The following GPR176 variants were observed in gnomAD, a reference collection of about 807,000 sequenced individuals.
The protein encoded by GPR176 is G-protein coupled receptor 176.
A neutral mutation model predicts 35.4 loss-of-function variants in GPR176; 26 were observed. The observed-to-expected ratio is 0.74, with a 90% CI of 0.54 to 1.02. GPR176 has a LOEUF of 1.02. Among genes scored for constraint, GPR176 ranks in the 50% least tolerant of loss-of-function variants. GPR176 has a pLI of 0.00. For synonymous variants in GPR176, 278 were observed against 271.3 expected, an observed-to-expected ratio of 1.02 and a Z score of -0.24; for missense variants, 597 against 665.3, an observed-to-expected ratio of 0.90 and a Z score of 1.13.
intron 1 of GPR176, among the ~76,000 whole-genome samples, chr15:39,824,180 C>T (rs57713628): frequency 0.038 from 5,819 of 152,300 alleles, 283 homozygotes; most frequent in African/African-American, 0.1. Context: ...TCTGGCTCCC[C>T]TTCGCCTTCT....
intron 1 of GPR176, among the ~76,000 whole-genome samples, chr15:39,825,770 C>T (rs1236931862): frequency 1.3e-5 from 2 of 152,234 alleles, no homozygotes; most frequent in South Asian, 2.1e-4. Context: ...GGTGCTATCA[C>T]ATCTCACTGA....
chr15:39,807,634 G>T, intron 1 of GPR176: 1 of 871,328 alleles, frequency 1.1e-6, no homozygotes, highest in Non-Finnish European at 1.9e-6. Flanking sequence ...CTCTGCAACA[G>T]AAATACAGTG....
At chr15:39,817,628 T>C (rs1367421489) in intron 1 of GPR176, among the ~76,000 whole-genome samples, 1 of 152,236 alleles carries the variant, frequency 6.6e-6, no homozygotes, top group East Asian at 1.9e-4. Context: ...GTCAAATTCA[T>C]GTTTTTCTCT....
At position 39,887,462 on chromosome 15, in the gene GPR176, A is replaced by C. The variant is rs139569159; in HGVS notation, c.172+32393T>G. Among the ~76,000 whole-genome samples, 394 of 152,332 alleles carry C rather than the reference A, an allele frequency of 2.6e-3. 5 individuals are homozygous for C. Among genetic ancestry groups the C allele is most frequent in the East Asian group, 0.022 (115 of 5,186 alleles). ...TGCCGCTGTGTAAAACAGCAGCATC[A>C]TTCATCCAACAGGTGAGAAACAGCA... is the stretch of plus-strand genomic sequence containing the variant. On this transcript the variant is annotated intron_variant, in intron 1 of 2. Transcript: ENST00000561100.
At chr15:39,855,517 G>T (rs2031157434) in intron 1 of GPR176, among the ~76,000 whole-genome samples, 1 of 152,162 alleles carries the variant, frequency 6.6e-6, no homozygotes, top group Admixed American at 6.5e-5. Context: ...TCTTCCTGTG[G>T]GAAGAGTGGA....
intron 1 of GPR176, among the ~76,000 whole-genome samples, chr15:39,881,559 A>G (rs1447504748): frequency 6.6e-6 from 1 of 152,230 alleles, no homozygotes; most frequent in Non-Finnish European, 1.5e-5. Context: ...TATGTTCTTA[A>G]TAATCATCAC....
intron 1 of GPR176, among the ~76,000 whole-genome samples, chr15:39,847,172 G>A (rs1290393519): frequency 6.6e-6 from 1 of 151,962 alleles, no homozygotes; most frequent in African/African-American, 2.4e-5. Context: ...GAATTCTTAG[G>A]AAAATGTTCA....
chr15:39,845,723 C>T (rs1347884028), intron 1 of GPR176, among the ~76,000 whole-genome samples: 1 of 152,040 alleles, frequency 6.6e-6, no homozygotes, highest in African/African-American at 2.4e-5. Context: ...CGGGAGAGAG[C>T]TGGGCAAACA....
intron 1 of GPR176, among the ~76,000 whole-genome samples, chr15:39,905,802 G>A (rs972371371): frequency 6.6e-6 from 1 of 152,190 alleles, no homozygotes; most frequent in African/African-American, 2.4e-5. Context: ...CAAGGGTGAA[G>A]GAGGGGATCG....
At chr15:39,879,174 T>C (rs1378074948) in intron 1 of GPR176, among the ~76,000 whole-genome samples, 1 of 152,212 alleles carries the variant, frequency 6.6e-6, no homozygotes, top group East Asian at 1.9e-4. Context: ...ATAAGGAAAG[T>C]GAGGCCTTAA....
chr15:39,856,877 T>C (rs1225832023), intron 1 of GPR176, among the ~76,000 whole-genome samples: 2 of 152,226 alleles, frequency 1.3e-5, no homozygotes, highest in Non-Finnish European at 2.9e-5. Context: ...CAGTAGGTGT[T>C]CCATATGTAT....
At chr15:39,831,449 C>T (rs1233539192) in intron 1 of GPR176, among the ~76,000 whole-genome samples, 2 of 152,160 alleles carry the variant, frequency 1.3e-5, no homozygotes, top group Non-Finnish European at 2.9e-5. Context: ...GGATGCCTCA[C>T]AGACACCTCA....
At chr15:39,841,307 AG>A (rs2029958302) in intron 1 of GPR176, among the ~76,000 whole-genome samples, 1 of 152,088 alleles carries the variant, frequency 6.6e-6, no homozygotes, top group African/African-American at 2.4e-5. Context: ...TTCTGTTATA[AG>A]TTGAATTGTG....
At chr15:39,834,408 T>C (rs1039894888) in intron 1 of GPR176, among the ~76,000 whole-genome samples, 6 of 152,140 alleles carry the variant, frequency 3.9e-5, no homozygotes, top group African/African-American at 1.4e-4. Flanking sequence ...TTTTTAAAAC[T>C]AAAAAGGAAT....
At chr15:39,838,066 G>C (rs777897502) in intron 1 of GPR176, among the ~76,000 whole-genome samples, 1 of 151,092 alleles carries the variant, frequency 6.6e-6, no homozygotes, top group African/African-American at 2.4e-5. Flanking sequence ...TGCTCATTGA[G>C]TGACTAATGA....
intron 1 of GPR176, among the ~76,000 whole-genome samples, chr15:39,830,140 T>C (rs905810049): frequency 1.5e-4 from 23 of 152,186 alleles, no homozygotes; most frequent in Non-Finnish European, 2.8e-4. Context: ...CATTTGTTCA[T>C]TTTTCTGACT....
Position 39,886,788 on chromosome 15 carries a change from G to A in GPR176, c.172+33067C>T, listed in dbSNP as rs148365970. 3.3e-5 allele frequency among the ~76,000 whole-genome samples: 5 copies of A among 152,298 alleles called. No individual in the cohort carries two copies. The East Asian group carries it at 9.6e-4, about 29-fold the overall frequency. ...CACCTTCAACTGTAATGACAGACCT[G>A]GGCCTGCTAATAGCAAGGTGTCACA... On this transcript the variant is annotated intron_variant, in intron 1 of 2. Coordinates refer to ENST00000561100, the MANE Select transcript of GPR176 (RefSeq NM_007223.3).
At chr15:39,896,318 G>T (rs1191915772) in intron 1 of GPR176, among the ~76,000 whole-genome samples, 1 of 152,184 alleles carries the variant, frequency 6.6e-6, no homozygotes, top group Non-Finnish European at 1.5e-5. Flanking sequence ...CTGGCCTCAA[G>T]CCATCATCCT....
chr15:39,820,535 A>G (rs1327894394), intron 1 of GPR176, among the ~76,000 whole-genome samples: 1 of 152,096 alleles, frequency 6.6e-6, no homozygotes, highest in Non-Finnish European at 1.5e-5. Flanking sequence ...TAACTAAGAC[A>G]CTCTGGCCTA....
Sources: gnomAD v4.1 joint callset for allele counts (sites outside exome capture counted in the v4.1 genomes callset) on GRCh38, gnomAD v4.1.1 for gene constraint, MANE v1.5 for transcripts, NCBI Gene and HGNC (gene_info 2026-07-23, HGNC 2026-07-21) for gene names.